Variants in EFNA2 observed in about 807,000 individuals in gnomAD.
The protein encoded by EFNA2 is ephrin A2.
In EFNA2, 18 loss-of-function variants were observed where a neutral mutation model predicts 19.7. The observed-to-expected ratio is 0.91, with a 90% CI of 0.63 to 1.35. EFNA2 has a LOEUF of 1.35. EFNA2 is among the 40% of genes most tolerant of loss of function. The pLI is 0.00. For synonymous variants in EFNA2, 187 were observed against 137.8 expected (o/e 1.36, Z -2.50); for missense variants, 303 against 296.0 (o/e 1.02, Z -0.17).
rs999091986 is a variant in EFNA2, at chr19:1,301,039, C to T, written c.*1094C>T. 2.0e-5 allele frequency among the ~76,000 whole-genome samples: 3 copies of T among 151,046 alleles called. No individual in the cohort carries two copies. The South Asian group carries it at 6.2e-4, about 31-fold the overall frequency. On this transcript the variant is annotated 3_prime_UTR_variant, in exon 4 of 4. Transcript: ENST00000215368. ...AATAAGCTCGTGTCGTCTGTCAGAG[C>T]CCCTCTCTCAACTCTGTGACCTGAT... is the stretch of plus-strand genomic sequence containing the variant.
rs1047814250 is a variant in EFNA2, at chr19:1,288,563, C to T, written c.140+2255C>T. On this transcript the variant is annotated intron_variant, in intron 1 of 3. Coordinates refer to ENST00000215368, the MANE Select transcript of EFNA2 (RefSeq NM_001405.4). ...AGCCGCGATGGGGGGCAGACAGCAG[C>T]GTGGGCACCAGGGGACCGTGTGCTC... Among the ~76,000 whole-genome samples the T allele has an allele frequency of 4.6e-5, 7 of 152,178 alleles. No homozygotes were observed. In the South Asian group the frequency reaches 8.3e-4, roughly 18 times the overall value.
rs1023142295 is a variant in EFNA2, at chr19:1,301,165, A to G, written c.*1220A>G. Among the ~76,000 whole-genome samples the G allele has an allele frequency of 2.0e-5, 3 of 150,656 alleles. No homozygotes were observed. Among genetic ancestry groups the G allele is most frequent in the Non-Finnish European group, 3.0e-5 (2 of 67,780 alleles). ...CGAAGACACTTTAATGAAGGAAACA[A>G]CACATTTATACGGATTTCATATTTC... On this transcript the variant is annotated 3_prime_UTR_variant, in exon 4 of 4. Coordinates refer to ENST00000215368, the MANE Select transcript of EFNA2 (RefSeq NM_001405.4).
In EFNA2 at chr19:1,300,000, A is replaced by T. The variant is rs1222081296; in HGVS notation, c.*55A>T. 3.9e-6 allele frequency: 6 copies of T among 1,542,540 alleles called. No homozygotes were observed. Among genetic ancestry groups the T allele is most frequent in the Non-Finnish European group, 5.2e-6 (6 of 1,150,706 alleles). On this transcript the variant is annotated 3_prime_UTR_variant, in exon 4 of 4. Transcript: ENST00000215368. Reference sequence around the variant, plus strand: ...TGGACGGCCCCGCCTGGACCGCCTGACCTCGGCCCTCCGGACCCGGCTGCG... The same window carrying T: ...TGGACGGCCCCGCCTGGACCGCCTGTCCTCGGCCCTCCGGACCCGGCTGCG...
chr19:1,284,459 G>T (rs1352045905), upstream of EFNA2, among the ~76,000 whole-genome samples: 1 of 152,252 alleles, frequency 6.6e-6, no homozygotes, highest in African/African-American at 2.4e-5. The surrounding 1 kb of genome is among the most constrained non-coding windows in gnomAD (Gnocchi z 5.3). Flanking sequence ...TGGCAGGGAC[G>T]CTAGAGCACT....
rs1568868535 is a variant in EFNA2, at chr19:1,296,035, G to GT, written c.454+177_454+178insT. Among the ~76,000 whole-genome samples, 1 of 145,406 alleles carries GT rather than the reference G, an allele frequency of 6.9e-6. No homozygotes were observed. The highest frequency in any genetic ancestry group is 1.5e-5 in the Non-Finnish European group (1 of 65,480). On this transcript the variant is annotated intron_variant, in intron 2 of 3. Transcript: ENST00000215368. This position sits in a 1 kb window ranked among gnomAD's most constrained non-coding sequence, Gnocchi z 4.4. ...GCGGGGCCGCGGAATGGGGCCAGGG[G>GT]GGAGTGGGCGGGGCCGCGGAGTGGG...
At chr19:1,292,603 G>C (rs975567741) in intron 1 of EFNA2, among the ~76,000 whole-genome samples, 5 of 152,220 alleles carry the variant, frequency 3.3e-5, no homozygotes, top group African/African-American at 4.8e-5. Context: ...GTGGGAACAG[G>C]GACAGCCGGG....
At position 1,295,761 on chromosome 19, in the gene EFNA2, G is replaced by T; in HGVS notation, c.357G>T (p.Ala119=). The T allele has an allele frequency of 6.2e-7, 1 of 1,604,056 alleles. No homozygotes were observed. The highest frequency in any genetic ancestry group is 1.7e-5 in the Admixed American group (1 of 58,316). Residue 119 remains alanine, a synonymous_variant, in exon 2 of 4, where the codon GCG becomes GCT. Coordinates refer to ENST00000215368, the MANE Select transcript of EFNA2 (RefSeq NM_001405.4). This position sits in a 1 kb window ranked among gnomAD's most constrained non-coding sequence, Gnocchi z 5.8. ...GCTGGGAGTGCAACCGGCCCGCGGC[G>T]CCCGGGGGGCCGCTCAAGTTCTCGG... is the stretch of plus-strand genomic sequence containing the variant. The part of the protein sequence containing the change: ...FKRWECNRPA[A]PGGPLKFSEK...
chr19:1,300,241 A>ATTTTTTTTTTTTTTT lies in EFNA2; in HGVS notation c.*317_*331dup, dbSNP rs58281257. On this transcript the variant is annotated 3_prime_UTR_variant, in exon 4 of 4. Transcript: ENST00000215368. ...CGGAGAACCCGGGAACCTCTTGGCGATTTTTTTTTTTTTTTTTTTTTTTTT... is the reference window on the plus strand; with the variant it reads ...CGGAGAACCCGGGAACCTCTTGGCGATTTTTTTTTTTTTTTTTTTTTTTTTTTTTTTTTTTTTTTT... 1 of 42,650 alleles carries ATTTTTTTTTTTTTTT rather than the reference A, an allele frequency of 2.3e-5. No homozygotes were observed. Among genetic ancestry groups the ATTTTTTTTTTTTTTT allele is most frequent in the Non-Finnish European group, 4.5e-5 (1 of 22,124 alleles). The allele number at this position is 42,650 out of a possible 1,614,324, so 2.6% of individuals were successfully genotyped here.
chr19:1,297,206 G>A lies in EFNA2; in HGVS notation c.455-1345G>A, dbSNP rs549820043. Among the ~76,000 whole-genome samples the A allele has an allele frequency of 3.3e-5, 5 of 152,276 alleles. No homozygotes were observed. Among genetic ancestry groups the A allele is most frequent in the Non-Finnish European group, 7.4e-5 (5 of 68,010 alleles). On this transcript the variant is annotated intron_variant, in intron 2 of 3. Coordinates refer to ENST00000215368, the MANE Select transcript of EFNA2 (RefSeq NM_001405.4). This position sits in a 1 kb window ranked among gnomAD's most constrained non-coding sequence, Gnocchi z 5.0. Reference sequence around the variant, plus strand: ...CTGGGGTCTGTGCCCCCAGGCTGCAGGGGGGCCAGTGCCTGGACACCCAGC... The same window carrying A: ...CTGGGGTCTGTGCCCCCAGGCTGCAAGGGGGCCAGTGCCTGGACACCCAGC...
chr19:1,297,488 T>G lies in EFNA2; in HGVS notation c.455-1063T>G, dbSNP rs1320789087. ...CATGCTTTTTATCTTCATCTTCCAG[T>G]GTGAGGGGTTTCTAGGGGGCGGGCA... On this transcript the variant is annotated intron_variant, in intron 2 of 3. Transcript: ENST00000215368. This position sits in a 1 kb window ranked among gnomAD's most constrained non-coding sequence, Gnocchi z 5.0. 1.3e-5 allele frequency among the ~76,000 whole-genome samples: 2 copies of G among 152,082 alleles called. No individual in the cohort carries two copies. Among genetic ancestry groups the G allele is most frequent in the Non-Finnish European group, 2.9e-5 (2 of 67,998 alleles).
At position 1,286,386 on chromosome 19, in the gene EFNA2, A is replaced by C; in HGVS notation, c.140+78A>C. 2 of 702,514 alleles carry C rather than the reference A, an allele frequency of 2.8e-6. No homozygotes were observed. Among genetic ancestry groups the C allele is most frequent in the Non-Finnish European group, 3.5e-6 (2 of 577,000 alleles). 43.5% of individuals were successfully genotyped at this position (702,514 alleles called of 1,614,324 possible). On this transcript the variant is annotated intron_variant, in intron 1 of 3. Transcript: ENST00000215368. The surrounding 1 kb of genome is among the most constrained non-coding windows in gnomAD (Gnocchi z 5.6). Reference sequence around the variant, plus strand: ...GCCGCGCCCGGCCTCGCGCCCCCGGAGCTCCGGGCGCCCCCCACGCGCGCG... The same window carrying C: ...GCCGCGCCCGGCCTCGCGCCCCCGGCGCTCCGGGCGCCCCCCACGCGCGCG...
rs972551954 is a variant in EFNA2, at chr19:1,300,972, G to T, written c.*1027G>T. ...TTCATAGGGGGTCTTTTATTTTGGT[G>T]GGGGGGTGGGGTGGACTTTTAGAGT... On this transcript the variant is annotated 3_prime_UTR_variant, in exon 4 of 4. Transcript: ENST00000215368. 8.0e-6 allele frequency among the ~76,000 whole-genome samples: 1 copy of T among 125,026 alleles called. No individual in the cohort carries two copies. The allele number at this position is 125,026 out of a possible 152,430, so 82.0% of individuals were successfully genotyped here.
upstream of EFNA2, among the ~76,000 whole-genome samples, chr19:1,284,573 C>T (rs965630703): frequency 3.3e-5 from 5 of 152,188 alleles, no homozygotes; most frequent in African/African-American, 9.7e-5. The surrounding 1 kb of genome is among the most constrained non-coding windows in gnomAD (Gnocchi z 5.3). Flanking sequence ...TGGTGTGGCC[C>T]GCGTGGCCCG....
rs975419644 is a variant in EFNA2, at chr19:1,296,954, A to G, written c.454+1096A>G. On this transcript the variant is annotated intron_variant, in intron 2 of 3. Coordinates refer to ENST00000215368, the MANE Select transcript of EFNA2 (RefSeq NM_001405.4). This position sits in a 1 kb window ranked among gnomAD's most constrained non-coding sequence, Gnocchi z 4.4. ...GCCTTTTTGTCCCTACGAAAGGCCA[A>G]CGGCAGGTGGGGAACACAGCAGCGC... Among the ~76,000 whole-genome samples, 2 of 152,244 alleles carry G rather than the reference A, an allele frequency of 1.3e-5. No homozygotes were observed. The highest frequency in any genetic ancestry group is 6.5e-5 in the Admixed American group (1 of 15,288).
Position 1,300,135 on chromosome 19 carries a change from A to C in EFNA2, c.*190A>C. On this transcript the variant is annotated 3_prime_UTR_variant, in exon 4 of 4. Transcript: ENST00000215368. ...CAGGACCAGCCCTCAGGGAGGGGAA[A>C]CGGCCGAGAGCCCCCCCCCGGAGGC... 1.3e-6 allele frequency: 1 copy of C among 765,114 alleles called. No individual in the cohort carries two copies. The allele number at this position is 765,114 out of a possible 1,614,324, so 47.4% of individuals were successfully genotyped here. A position where few individuals can be genotyped will look rare whatever the true frequency, so the allele number is the denominator to read the frequency against.
rs753798157 is a variant in EFNA2, at chr19:1,295,557, C to A, written c.153C>A (p.Gly51=). ...CTTGTCCCCGCAGGTTCCACGCAGG[C>A]GCGGGGGACGACGGCGGGGGCTACA... ...WNRSNPRFHA[G]AGDDGGGYTV... The change falls in exon 2 of 4, where the codon GGC becomes GGA. Residue 51 remains glycine (G), a synonymous_variant. Transcript: ENST00000215368. This position sits in a 1 kb window ranked among gnomAD's most constrained non-coding sequence, Gnocchi z 5.8. 2.8e-5 allele frequency: 44 copies of A among 1,594,260 alleles called. No individual in the cohort carries two copies. In the East Asian group the frequency reaches 9.7e-4, roughly 35 times the overall value.
intron 3 of EFNA2, 58 bp from the exon 4 acceptor site, chr19:1,299,766 G>A (rs894328671): frequency 7.5e-5 from 116 of 1,537,068 alleles, no homozygotes; most frequent in Non-Finnish European, 9.7e-5. Flanking sequence ...CGGGCGGCAC[G>A]TGGGGAGCCC....
At chr19:1,293,524 C>T (rs1324245653) in intron 1 of EFNA2, among the ~76,000 whole-genome samples, 1 of 152,214 alleles carries the variant, frequency 6.6e-6, no homozygotes, top group Non-Finnish European at 1.5e-5. Context: ...GAGGCCGGAC[C>T]TCGAGACCCA....
Position 1,286,202 on chromosome 19 carries a change from C to T in EFNA2, c.34C>T (p.Leu12=), listed in dbSNP as rs1246151112. The part of the protein sequence containing the change: ...APAQRPLLPL[L]LLLLPLPPPP... ...CGCGCAGCGCCCGCTGCTCCCGCTG[C>T]TGCTCCTGCTGTTACCGCTGCCGCC... Residue 12 remains leucine, a synonymous_variant, in exon 1 of 4, where the codon CTG becomes TTG. Coordinates refer to ENST00000215368, the MANE Select transcript of EFNA2 (RefSeq NM_001405.4). The surrounding 1 kb of genome is among the most constrained non-coding windows in gnomAD (Gnocchi z 5.6). 1 of 1,070,500 alleles carries T rather than the reference C, an allele frequency of 9.3e-7. No individual in the cohort carries two copies. The highest frequency in any genetic ancestry group is 4.9e-5 in the Admixed American group (1 of 20,502). 66.3% of individuals were successfully genotyped at this position (1,070,500 alleles called of 1,614,324 possible).
Sources: allele counts gnomAD v4.1 joint callset (sites outside exome capture counted in the v4.1 genomes callset), GRCh38; gene constraint gnomAD v4.1.1; non-coding constraint Gnocchi (gnomAD v3.1); transcripts MANE v1.5; gene names NCBI Gene and HGNC (gene_info 2026-07-23, HGNC 2026-07-21).